GNA14: variants seen among roughly 807,000 people sequenced by gnomAD.
GNA14 encodes the protein guanine nucleotide-binding protein subunit alpha-14.
Under a neutral mutation model 42.0 loss-of-function variants are expected in GNA14, and 50 were observed. That is an observed-to-expected ratio of 1.19 (90% CI 0.95 to 1.51). The LOEUF is 1.51. Among genes scored for constraint, GNA14 ranks in the 40% most tolerant of loss-of-function variants. The probability of loss-of-function intolerance (pLI) is 0.00; values close to 1 mark genes in which losing one functional copy is unlikely to be tolerated. For synonymous variants in GNA14, 173 were observed against 163.1 expected, an observed-to-expected ratio of 1.06 and a Z score of -0.46; for missense variants, 473 against 446.2, an observed-to-expected ratio of 1.06 and a Z score of -0.54.
intron 2 of GNA14, among the ~76,000 whole-genome samples, chr9:77,512,377 GTTTT>G (rs888873051): frequency 3.3e-5 from 5 of 152,018 alleles, no homozygotes; most frequent in Admixed American, 1.3e-4. Flanking sequence ...TAGCATTTGG[GTTTT>G]TTATGTTTAA....
chr9:77,556,704 TTG>T (rs1332399104), intron 1 of GNA14, among the ~76,000 whole-genome samples: 1 of 152,092 alleles, frequency 6.6e-6, no homozygotes, highest in East Asian at 1.9e-4. Context: ...GGAAATTGCC[TTG>T]TGCCACTCAC....
intron 1 of GNA14, among the ~76,000 whole-genome samples, chr9:77,616,622 A>T (rs1823821959): frequency 6.6e-6 from 1 of 152,252 alleles, no homozygotes. Context: ...CAAACTTTGG[A>T]AACAGCTCTT....
chr9:77,589,605 C>T (rs773424352), intron 1 of GNA14, among the ~76,000 whole-genome samples: 1 of 152,144 alleles, frequency 6.6e-6, no homozygotes, highest in African/African-American at 2.4e-5. Flanking sequence ...GGAGAAACCT[C>T]TGAGAGTAGC....
intron 2 of GNA14, among the ~76,000 whole-genome samples, chr9:77,493,026 A>AAAATATATATATATAT (rs1554691641): frequency 1.4e-4 from 7 of 51,680 alleles, no homozygotes; most frequent in South Asian, 6.4e-4. Context: ...AAAAAAAAAA[A>AAAATATATATATATAT]ATATATATAT....
chr9:77,646,175 G>A (rs1824348682), intron 1 of GNA14, among the ~76,000 whole-genome samples: 2 of 152,104 alleles, frequency 1.3e-5, no homozygotes, highest in South Asian at 4.1e-4. Flanking sequence ...GGGCCTCTTG[G>A]GCACCCACGG....
At chr9:77,619,216 T>G (rs1823883521) in intron 1 of GNA14, among the ~76,000 whole-genome samples, 1 of 152,050 alleles carries the variant, frequency 6.6e-6, no homozygotes, top group African/African-American at 2.4e-5. Context: ...GTTTGTTTTG[T>G]TTGTTTTGAG....
intron 2 of GNA14, among the ~76,000 whole-genome samples, chr9:77,438,897 C>T (rs757275083): frequency 1.3e-5 from 2 of 152,158 alleles, no homozygotes; most frequent in Non-Finnish European, 2.9e-5. Flanking sequence ...TAATGATCAG[C>T]ATCAGGAAAT....
chr9:77,629,812 G>T (rs1440755888), intron 1 of GNA14, among the ~76,000 whole-genome samples: 1 of 152,104 alleles, frequency 6.6e-6, no homozygotes, highest in Non-Finnish European at 1.5e-5. Flanking sequence ...AAACCACCAT[G>T]GCACGTGTAT....
intron 5 of GNA14, 89 bp downstream of exon 5, chr9:77,428,818 A>C (rs1475932571): frequency 1.5e-6 from 2 of 1,291,188 alleles, no homozygotes; most frequent in East Asian, 4.7e-5. Context: ...CCTAATGACG[A>C]GGGTCTATTT....
chr9:77,536,436 C>T (rs958722906), intron 1 of GNA14, among the ~76,000 whole-genome samples: 1 of 152,130 alleles, frequency 6.6e-6, no homozygotes, highest in African/African-American at 2.4e-5. Flanking sequence ...CTGCAACCTC[C>T]GCTTCCCAGG....
At chr9:77,597,309 G>A (rs1334169032) in intron 1 of GNA14, among the ~76,000 whole-genome samples, 2 of 152,128 alleles carry the variant, frequency 1.3e-5, no homozygotes, top group Non-Finnish European at 2.9e-5. Flanking sequence ...TAGAGATGTT[G>A]CATTTGTACC....
intron 1 of GNA14, among the ~76,000 whole-genome samples, chr9:77,535,884 G>A (rs1305358469): frequency 5.8e-5 from 1 of 17,206 alleles, no homozygotes; most frequent in Non-Finnish European, 9.3e-5. Flanking sequence ...ATTCAGTTTA[G>A]TTGTTTTGTT....
intron 1 of GNA14, among the ~76,000 whole-genome samples, chr9:77,553,111 G>A (rs940146213): frequency 1.3e-5 from 2 of 152,190 alleles, no homozygotes; most frequent in African/African-American, 4.8e-5. Flanking sequence ...ATTCTCATAT[G>A]TCTCTCAGAG....
At chr9:77,629,339 A>G (rs11145498) in intron 1 of GNA14, among the ~76,000 whole-genome samples, 42,684 of 152,084 alleles carry the variant, frequency 0.28, 6,882 homozygotes, top group African/African-American at 0.44. Flanking sequence ...CAAGGGTCTA[A>G]AACCACAAAT....
chr9:77,632,422 A>G (rs1396853480), intron 1 of GNA14, among the ~76,000 whole-genome samples: 1 of 152,132 alleles, frequency 6.6e-6, no homozygotes, highest in East Asian at 1.9e-4. Context: ...AGGCCTACCC[A>G]TGGCCACCCA....
At chr9:77,453,176 G>A (rs1337190221) in intron 2 of GNA14, among the ~76,000 whole-genome samples, 1 of 152,060 alleles carries the variant, frequency 6.6e-6, no homozygotes, top group Non-Finnish European at 1.5e-5. Context: ...AGAGGCCTGA[G>A]GGAGCTTGTG....
At position 77,529,101 on chromosome 9, in the gene GNA14, G is replaced by T. The variant is rs1837486650; in HGVS notation, c.277C>A (p.Leu93Ile). Residue 93 changes from leucine to isoleucine, a missense_variant, in exon 2 of 7, where the codon CTA becomes ATA. Leu to Ile is a conservative substitution (Grantham distance 5). Coordinates refer to ENST00000341700, the MANE Select transcript of GNA14 (RefSeq NM_004297.4). ...MQAMIRAMDT[L>I]RIQYVCEQNK... is the part of the protein sequence containing the mutation. ...TGTTCACACACATACTGTATCCTTA[G>T]CGTGTCCATCGCTCTGATCATGGCT... is the stretch of plus-strand genomic sequence containing the variant. 6.2e-7 allele frequency: 1 copy of T among 1,614,054 alleles called. No homozygotes were observed. Among genetic ancestry groups the T allele is most frequent in the Admixed American group, 1.7e-5 (1 of 60,014 alleles).
chr9:77,599,028 ATATT>A (rs1411571780), intron 1 of GNA14, among the ~76,000 whole-genome samples: 2 of 152,360 alleles, frequency 1.3e-5, no homozygotes, highest in Non-Finnish European at 1.5e-5. Context: ...TGACATGTAA[ATATT>A]TATTAAGCAA....
At chr9:77,609,344 T>C (rs933692945) in intron 1 of GNA14, among the ~76,000 whole-genome samples, 2 of 152,176 alleles carry the variant, frequency 1.3e-5, no homozygotes, top group African/African-American at 4.8e-5. Context: ...CTACCAGCAT[T>C]GCATTCATGA....
Sources: gnomAD v4.1 joint callset for allele counts (sites outside exome capture counted in the v4.1 genomes callset) on GRCh38, gnomAD v4.1.1 for gene constraint, MANE v1.5 for transcripts, NCBI Gene and HGNC (gene_info 2026-07-23, HGNC 2026-07-21) for gene names.